CDH9: variants seen among roughly 807,000 people sequenced by gnomAD.
CDH9 encodes cadherin-9.
Under a neutral mutation model 70.9 loss-of-function variants are expected in CDH9, and 28 were observed. The observed-to-expected ratio is 0.40, with a 90% CI of 0.29 to 0.54. The LOEUF is 0.54. CDH9 is among the 20% of genes least tolerant of loss of function. CDH9 has a pLI of 0.59. For synonymous variants in CDH9, 409 were observed against 343.1 expected (o/e 1.19, Z -2.12); for missense variants, 874 against 984.4 (o/e 0.89, Z 1.50).
intron 2 of CDH9, among the ~76,000 whole-genome samples, chr5:26,964,790 C>A (rs1264079742): frequency 1.4e-5 from 2 of 142,168 alleles, no homozygotes; most frequent in African/African-American, 5.3e-5. Context: ...CCCACCCCCA[C>A]CACCCCCCAA....
intron 3 of CDH9, among the ~76,000 whole-genome samples, chr5:26,907,162 C>T (rs1740963438): frequency 6.6e-6 from 1 of 151,978 alleles, no homozygotes; most frequent in South Asian, 2.1e-4. Context: ...GAATATAACA[C>T]ACATGAAATT....
At chr5:27,000,685 A>C (rs1164662002) in intron 1 of CDH9, among the ~76,000 whole-genome samples, 1 of 152,126 alleles carries the variant, frequency 6.6e-6, no homozygotes, top group Non-Finnish European at 1.5e-5. Flanking sequence ...CTTTATTCTT[A>C]ATCTCCAAAA....
At chr5:26,983,000 A>C (rs145308676) in intron 2 of CDH9, among the ~76,000 whole-genome samples, 1 of 152,178 alleles carries the variant, frequency 6.6e-6, no homozygotes, top group Non-Finnish European at 1.5e-5. Flanking sequence ...ATAAGATTTT[A>C]AGAGATGATC....
chr5:26,896,595 GAAAT>G (rs1740755972), intron 7 of CDH9, among the ~76,000 whole-genome samples: 1 of 130,698 alleles, frequency 7.7e-6, no homozygotes, highest in Non-Finnish European at 1.8e-5. Flanking sequence ...AATGAAGGCA[GAAAT>G]AAATAAGTTA....
Position 26,988,148 on chromosome 5 carries a change from T to C in CDH9, c.186A>G (p.Leu62=). 2 of 1,613,234 alleles carry C rather than the reference T, an allele frequency of 1.2e-6. No homozygotes were observed. Among genetic ancestry groups the C allele is most frequent in the Non-Finnish European group, 1.7e-6 (2 of 1,179,516 alleles). Residue 62 remains leucine, a synonymous_variant, in exon 2 of 12, where the codon TTA becomes TTG. Transcript: ENST00000231021. ...TGTCAGTACCTGTGTACTCTTCCAATAAGAAGAACTGATTCCACATCCAGC... is the reference window on the plus strand; with the variant it reads ...TGTCAGTACCTGTGTACTCTTCCAACAAGAAGAACTGATTCCACATCCAGC... ...KRGWMWNQFF[L]LEEYTGTDTQ...
intron 2 of CDH9, among the ~76,000 whole-genome samples, chr5:26,936,137 G>A (rs1432900074): frequency 1.3e-5 from 2 of 152,028 alleles, no homozygotes; most frequent in Admixed American, 1.3e-4. Context: ...TGTACATATT[G>A]GGTACAGTGT....
chr5:26,892,123 A>G (rs1442507314), intron 7 of CDH9, among the ~76,000 whole-genome samples: 1 of 152,224 alleles, frequency 6.6e-6, no homozygotes, highest in African/African-American at 2.4e-5. Flanking sequence ...TGTGGCAGCA[A>G]TAGAAATCTA....
intron 2 of CDH9, among the ~76,000 whole-genome samples, chr5:26,969,107 A>C (rs1346837414): frequency 6.6e-6 from 1 of 152,176 alleles, no homozygotes; most frequent in Non-Finnish European, 1.5e-5. Context: ...ACAGTGAAGA[A>C]ATTTTTCATT....
chr5:27,020,886 C>T (rs953954649), intron 1 of CDH9, among the ~76,000 whole-genome samples: 1 of 151,534 alleles, frequency 6.6e-6, no homozygotes. Flanking sequence ...TATTTTAAAA[C>T]CCTCATACAA....
intron 2 of CDH9, among the ~76,000 whole-genome samples, chr5:26,951,064 C>T (rs1358505881): frequency 5.3e-5 from 8 of 151,858 alleles, no homozygotes; most frequent in Non-Finnish European, 1.0e-4. Flanking sequence ...GAAGTCAAGG[C>T]GGGCAGATCA....
chr5:26,905,175 T>G (rs1179047649), intron 5 of CDH9, among the ~76,000 whole-genome samples: 1 of 152,116 alleles, frequency 6.6e-6, no homozygotes, highest in East Asian at 1.9e-4. Flanking sequence ...TATTTTGAAA[T>G]AGGGGTCCTT....
At chr5:26,970,652 G>T (rs953678200) in intron 2 of CDH9, among the ~76,000 whole-genome samples, 7 of 151,924 alleles carry the variant, frequency 4.6e-5, no homozygotes, top group Non-Finnish European at 1.0e-4. Context: ...TAGAATAATT[G>T]AGTATCCCTT....
chr5:26,950,876 A>G (rs1462136632), intron 2 of CDH9, among the ~76,000 whole-genome samples: 1 of 152,218 alleles, frequency 6.6e-6, no homozygotes, highest in African/African-American at 2.4e-5. Flanking sequence ...CACAGAGTAT[A>G]AGGCAGAATA....
chr5:26,908,918 GGT>G (rs1740997921), intron 3 of CDH9, among the ~76,000 whole-genome samples: 1 of 151,956 alleles, frequency 6.6e-6, no homozygotes, highest in Non-Finnish European at 1.5e-5. Context: ...TTTTTTCAGA[GGT>G]GTAATTAAAA....
chr5:27,006,176 GT>G (rs914379408), intron 1 of CDH9, among the ~76,000 whole-genome samples: 3 of 151,848 alleles, frequency 2.0e-5, no homozygotes, highest in East Asian at 1.9e-4. Context: ...TATAATAAAA[GT>G]TTTTTTAAAA....
At chr5:26,890,716 G>T in intron 7 of CDH9, 152 bp from the exon 8 acceptor site, 1 of 586,398 alleles carries the variant, frequency 1.7e-6, no homozygotes. Flanking sequence ...TTATAGAATT[G>T]TTATTTGAGC....
At chr5:26,955,506 A>G (rs977010190) in intron 2 of CDH9, among the ~76,000 whole-genome samples, 4 of 152,056 alleles carry the variant, frequency 2.6e-5, no homozygotes, top group African/African-American at 9.7e-5. Flanking sequence ...GCCCCATTCT[A>G]AAACCAGCAA....
chr5:26,927,983 C>T (rs1741374874), intron 2 of CDH9, among the ~76,000 whole-genome samples: 1 of 152,032 alleles, frequency 6.6e-6, no homozygotes. Flanking sequence ...ACAGTTGACT[C>T]TGTCAAAACC....
At chr5:27,021,530 T>C (rs1001607905) in intron 1 of CDH9, among the ~76,000 whole-genome samples, 3 of 151,872 alleles carry the variant, frequency 2.0e-5, no homozygotes, top group East Asian at 1.9e-4. Flanking sequence ...ACTAATAACA[T>C]TGAAGTTTTG....
Sources: gnomAD v4.1 joint callset for allele counts (sites outside exome capture counted in the v4.1 genomes callset) on GRCh38, gnomAD v4.1.1 for gene constraint, MANE v1.5 for transcripts, NCBI Gene and HGNC (gene_info 2026-07-23, HGNC 2026-07-21) for gene names.